Variants in CEP152 observed in about 807,000 individuals in gnomAD.
The protein encoded by CEP152 is centrosomal protein 152, also known as centrosomal protein of 152 kDa.
A neutral mutation model predicts 188.9 loss-of-function variants in CEP152; 132 were observed. That is an observed-to-expected ratio of 0.70 (90% CI 0.61 to 0.81). The LOEUF is 0.81. CEP152 is among the 30% of genes least tolerant of loss of function. The pLI is 0.00. For synonymous variants in CEP152, 649 were observed against 666.6 expected (o/e 0.97, Z 0.41); for missense variants, 1,914 against 1,969.8 (o/e 0.97, Z 0.54).
At chr15:48,752,292 C>T in intron 21 of CEP152, 57 bp downstream of exon 21, 1 of 1,613,610 alleles carries the variant, frequency 6.2e-7, no homozygotes, top group Non-Finnish European at 8.5e-7. Context: ...TCAAAGCAAC[C>T]CTTCAGATGG....
chr15:48,777,736 A>G (rs1896013772), intron 12 of CEP152, among the ~76,000 whole-genome samples: 1 of 152,292 alleles, frequency 6.6e-6, no homozygotes, highest in African/African-American at 2.4e-5. Context: ...TTCCTGTGCC[A>G]TAAGACATGG....
Position 48,760,150 on chromosome 15 carries a change from G to T in CEP152, c.2679C>A (p.Val893=). ...EQKKWEEQHE[V]SVNKRISFAV... ...GAGCTCTTACCCTTTTGTTCACAGA[G>T]ACCTCATGCTGTTCTTCCCACTTTT... The change falls in exon 19 of 27, where the codon GTC becomes GTA. Residue 893 remains valine (V), a synonymous_variant. Transcript: ENST00000380950. The T allele has an allele frequency of 1.2e-6, 2 of 1,613,982 alleles. No homozygotes were observed. The highest frequency in any genetic ancestry group is 1.7e-6 in the Non-Finnish European group (2 of 1,179,900).
At chr15:48,741,085 T>C in intron 26 of CEP152, 6 of 999,300 alleles carry the variant, frequency 6.0e-6, no homozygotes, top group Non-Finnish European at 5.9e-6. Flanking sequence ...TACTGTCTTC[T>C]TTCTCTCAGG....
At chr15:48,752,024 A>G (rs1244849177) in intron 21 of CEP152, among the ~76,000 whole-genome samples, 1 of 152,238 alleles carries the variant, frequency 6.6e-6, no homozygotes, top group East Asian at 1.9e-4. Flanking sequence ...AGTAATTTGA[A>G]TGAAAAAGTC....
intron 9 of CEP152, among the ~76,000 whole-genome samples, chr15:48,786,103 G>C (rs903380381): frequency 2.6e-5 from 4 of 152,060 alleles, no homozygotes; most frequent in Non-Finnish European, 5.9e-5. Context: ...TTAAAGAAAA[G>C]GTAAAAGGTT....
At chr15:48,751,221 T>A (rs1388211347) in intron 21 of CEP152, among the ~76,000 whole-genome samples, 2 of 152,164 alleles carry the variant, frequency 1.3e-5, no homozygotes, top group Non-Finnish European at 2.9e-5. Context: ...ATTTTTATAG[T>A]CTGATTTTTC....
At position 48,752,370 on chromosome 15, in the gene CEP152, G is replaced by T; in HGVS notation, c.3445C>A (p.Gln1149Lys). 1 of 1,614,068 alleles carries T rather than the reference G, an allele frequency of 6.2e-7. No individual in the cohort carries two copies. Among genetic ancestry groups the T allele is most frequent in the Non-Finnish European group, 8.5e-7 (1 of 1,180,018 alleles). The change falls in exon 21 of 27, where the codon CAA becomes AAA. Residue 1149 changes from glutamine (Q) to lysine (K), a missense_variant. Transcript: ENST00000380950. The stretch of plus-strand genomic sequence containing the variant: ...TTACCAGCTTCTGCTTCTGTTGCTT[G>T]TAAGGCCAAGGGCTGAGCATGGTGT... ...AGHHAQPLAL[Q>K]ATEAEADKKK...
intron 2 of CEP152, among the ~76,000 whole-genome samples, chr15:48,804,458 A>G (rs1191882554): frequency 2.0e-5 from 3 of 152,234 alleles, no homozygotes; most frequent in Non-Finnish European, 4.4e-5. Flanking sequence ...ACTTTTTTAC[A>G]TGTTAGAAAA....
chr15:48,767,128 T>C lies in CEP152; in HGVS notation c.2212A>G (p.Arg738Gly). The part of the protein sequence containing the change: ...AVQECYLEVC[R>G]EKDNLELTLR... ...GTCAATTCTAGATTATCCTTCTCTCTGCACACTTCTAGGTAACATTCCTGC... is the reference window on the plus strand; with the variant it reads ...GTCAATTCTAGATTATCCTTCTCTCCGCACACTTCTAGGTAACATTCCTGC... Residue 738 changes from arginine (R) to glycine (G), a missense_variant, in exon 17 of 27, where the codon AGA becomes GGA. Arg to Gly is a moderately radical substitution (Grantham distance 125). Coordinates refer to ENST00000380950, the MANE Select transcript of CEP152 (RefSeq NM_001194998.2). 1 of 1,613,786 alleles carries C rather than the reference T, an allele frequency of 6.2e-7. No individual in the cohort carries two copies. The highest frequency in any genetic ancestry group is 2.2e-5 in the East Asian group (1 of 44,862).
intron 2 of CEP152, among the ~76,000 whole-genome samples, chr15:48,798,403 A>T (rs1465465563): frequency 6.6e-6 from 1 of 152,188 alleles, no homozygotes; most frequent in Non-Finnish European, 1.5e-5. Context: ...TAAGTCTCAG[A>T]ATCCTGTTTT....
Position 48,809,255 on chromosome 15 carries a change from C to T in CEP152, c.-8+1706G>A, listed in dbSNP as rs149019629. On this transcript the variant is annotated intron_variant, in intron 1 of 26. Transcript: ENST00000380950. ...TATGATATAGGCATGTTACCTTATA[C>T]GAATTCATTACTTCAATAAAATTTT... is the stretch of plus-strand genomic sequence containing the variant. 1.4e-3 allele frequency among the ~76,000 whole-genome samples: 210 copies of T among 152,232 alleles called. 2 individuals carry two copies. Among genetic ancestry groups the T allele is most frequent in the African/African-American group, 4.6e-3 (192 of 41,542 alleles).
In CEP152 at chr15:48,791,179, G is replaced by C. The variant is rs528739760; in HGVS notation, c.972+58C>G. The C allele has an allele frequency of 2.7e-6, 4 of 1,504,788 alleles. No homozygotes were observed. In the African/African-American group the frequency reaches 4.2e-5, roughly 16 times the overall value. The allele number at this position is 1,504,788 out of a possible 1,614,324, so 93.2% of individuals were successfully genotyped here. Reference sequence around the variant, plus strand: ...TAAATTTAGTCCTACCCTACAAAAAGTTTTGTTAAATAACTAAACTTTTAA... The same window carrying C: ...TAAATTTAGTCCTACCCTACAAAAACTTTTGTTAAATAACTAAACTTTTAA... On this transcript the variant is annotated intron_variant, in intron 8 of 26. Transcript: ENST00000380950.
intron 6 of CEP152, 84 bp downstream of exon 6, chr15:48,795,926 C>A (rs2140900904): frequency 1.6e-6 from 2 of 1,252,770 alleles, no homozygotes; most frequent in Non-Finnish European, 2.3e-6. Context: ...AATAATAATT[C>A]TTGAATGTGC....
At chr15:48,772,830 ATGT>A (rs1895656785) in intron 12 of CEP152, 139 bp from the exon 13 acceptor site, 2 of 712,456 alleles carry the variant, frequency 2.8e-6, no homozygotes, top group East Asian at 2.7e-5. Flanking sequence ...ACAATTTTAA[ATGT>A]TGTCATACAC....
At chr15:48,769,540 G>T (rs1895380317) in intron 13 of CEP152, among the ~76,000 whole-genome samples, 1 of 152,148 alleles carries the variant, frequency 6.6e-6, no homozygotes, top group Non-Finnish European at 1.5e-5. Flanking sequence ...ACTGATATGT[G>T]CTCTTTGCAG....
At chr15:48,769,630 C>T (rs1471038296) in intron 13 of CEP152, among the ~76,000 whole-genome samples, 2 of 152,146 alleles carry the variant, frequency 1.3e-5, no homozygotes, top group East Asian at 1.9e-4. Flanking sequence ...TGTAAACTTA[C>T]TATTTTTTGT....
intron 12 of CEP152, among the ~76,000 whole-genome samples, chr15:48,779,102 A>G (rs1896099395): frequency 6.6e-6 from 1 of 152,250 alleles, no homozygotes; most frequent in Admixed American, 6.5e-5. Flanking sequence ...TCCAATTCCC[A>G]GACCAACTAG....
In CEP152 at chr15:48,797,539, C is replaced by T; in HGVS notation, c.302G>A (p.Cys101Tyr). ...EIQSLYAGEK[C>Y]GNVWEENRSK... ...TCTATTTTCTTCCCAGACATTACCA[C>T]ATTTTTCTCCAGCATATAAACTCTG... Residue 101 changes from cysteine (C) to tyrosine (Y), a missense_variant, in exon 5 of 27, where the codon TGT becomes TAT. Physicochemically the swap from Cys to Tyr is radical, Grantham distance 194. Coordinates refer to ENST00000380950, the MANE Select transcript of CEP152 (RefSeq NM_001194998.2). 1.2e-6 allele frequency: 2 copies of T among 1,614,118 alleles called. No individual in the cohort carries two copies. The highest frequency in any genetic ancestry group is 1.7e-6 in the Non-Finnish European group (2 of 1,179,998).
chr15:48,732,112 G>A (rs1363732655), intron 2 of CEP152, among the ~76,000 whole-genome samples: 4 of 152,198 alleles, frequency 2.6e-5, no homozygotes, highest in African/African-American at 7.2e-5. Flanking sequence ...AACCATTGTG[G>A]AAGACAGTAT....
Sources: allele counts gnomAD v4.1 joint callset (sites outside exome capture counted in the v4.1 genomes callset), GRCh38; gene constraint gnomAD v4.1.1; transcripts MANE v1.5; gene names NCBI Gene and HGNC (gene_info 2026-07-23, HGNC 2026-07-21).